The following NLGN4Y variants were observed in gnomAD, a reference collection of about 807,000 sequenced individuals.
NLGN4Y encodes the protein neuroligin 4 Y-linked, also known as neuroligin-4, Y-linked.
NLGN4Y carries 4 observed loss-of-function variants against 8.4 expected under a neutral mutation model. The observed-to-expected ratio is 0.48, with a 90% CI of 0.23 to 1.09. NLGN4Y has a LOEUF of 1.09. Ranked by LOEUF, NLGN4Y falls within the 50% of genes least tolerant of loss-of-function variation. The pLI, the probability that NLGN4Y is intolerant of heterozygous loss-of-function variation, is 0.19. For synonymous variants in NLGN4Y, 35 were observed against 75.6 expected (o/e 0.46, Z 2.78); for missense variants, 90 against 192.3 (o/e 0.47, Z 3.15).
intron 2 of NLGN4Y, among the ~76,000 whole-genome samples, chrY:14,702,019 GA>G (rs2080849885): frequency 9.7e-5 from 3 of 30,907 alleles, no homozygotes; most frequent in Non-Finnish European, 2.3e-4. Context: ...TTTACTCTTT[GA>G]ATTCATTTTT....
At chrY:14,826,295 C>T (rs772095006) in intron 5 of NLGN4Y, among the ~76,000 whole-genome samples, 6 of 31,843 alleles carry the variant, frequency 1.9e-4, no homozygotes, top group Admixed American at 2.8e-4. Context: ...GGACCATTTA[C>T]ATCTGAAGTA....
intron 4 of NLGN4Y, among the ~76,000 whole-genome samples, chrY:14,756,087 T>C (rs2081056012): frequency 3.0e-5 from 1 of 33,746 alleles, no homozygotes; most frequent in African/African-American, 1.2e-4. Flanking sequence ...TACCTTTCGA[T>C]GTTTTGTGTT....
At position 14,842,230 on chromosome Y, in the gene NLGN4Y, A is replaced by T. The variant is rs3863116; in HGVS notation, c.*968A>T. 3,525 of 120,490 alleles carry T rather than the reference A, an allele frequency of 0.029. No individual in the cohort carries two copies. The East Asian group carries it at 0.8, about 27-fold the overall frequency. 30.1% of individuals were successfully genotyped at this position (120,490 alleles called of 400,897 possible). A position where few individuals can be genotyped will look rare whatever the true frequency, so the allele number is the denominator to read the frequency against. ...GATTTGTACATGTTAGTTTTCATGA[A>T]ATTGCAACACAGAGATAGGTCCTAA... is the stretch of plus-strand genomic sequence containing the variant. On this transcript the variant is annotated 3_prime_UTR_variant, in exon 7 of 7. Transcript: ENST00000684976.
In NLGN4Y at chrY:14,829,852, A is replaced by T; in HGVS notation, c.994A>T (p.Thr332Ser). 5.0e-6 allele frequency: 2 copies of T among 398,888 alleles called. No individual in the cohort carries two copies. Among genetic ancestry groups the T allele is most frequent in the Non-Finnish European group, 7.1e-6 (2 of 283,681 alleles). Residue 332 changes from threonine to serine, a missense_variant, in exon 6 of 7, where the codon ACG becomes TCG. By Grantham distance (58) the Thr-to-Ser change is moderately conservative (BLOSUM62 1). Around this residue, in one of 4 missense-constraint regions of NLGN4Y, gnomAD observed 16 missense variants for 37.6 expected, o/e 0.43. Coordinates refer to ENST00000684976, the MANE Select transcript of NLGN4Y (RefSeq NM_001365588.1). The stretch of plus-strand genomic sequence containing the variant: ...GGTCGGCTGCAACATGCTGGACACC[A>T]CGGACATGGTAGAATGTCTGAAGAA... ...DKVGCNMLDT[T>S]DMVECLKNKN...
chrY:14,772,236 A>G (rs2081110354), intron 4 of NLGN4Y, among the ~76,000 whole-genome samples: 3 of 33,542 alleles, frequency 8.9e-5, no homozygotes, highest in African/African-American at 3.5e-4. Context: ...GGACATCACC[A>G]CTGATCCCAA....
intron 1 of NLGN4Y, among the ~76,000 whole-genome samples, chrY:14,553,557 G>T (rs772708375): frequency 4.1e-5 from 1 of 24,407 alleles, no homozygotes; most frequent in Admixed American, 4.7e-4. Flanking sequence ...CATGGTACTG[G>T]TACCAAAACT....
intron 4 of NLGN4Y, among the ~76,000 whole-genome samples, chrY:14,736,617 G>A: frequency 6.2e-5 from 2 of 32,301 alleles, no homozygotes; most frequent in African/African-American, 1.2e-4. Context: ...CTTATGTTGC[G>A]GGAGGGACCC....
intron 4 of NLGN4Y, among the ~76,000 whole-genome samples, chrY:14,739,758 C>CATTATT (rs2081001359): frequency 3.2e-5 from 1 of 31,337 alleles, no homozygotes; most frequent in Non-Finnish European, 7.7e-5. Flanking sequence ...GTCACTGTTC[C>CATTATT]ATTATTATTA....
At chrY:14,828,273 A>ATATATATATGTGTGTGTG (rs2043156265) in intron 5 of NLGN4Y, among the ~76,000 whole-genome samples, 1 of 31,109 alleles carries the variant, frequency 3.2e-5, no homozygotes, top group Non-Finnish European at 7.7e-5. Context: ...GTGTGTGTGT[A>ATATATATATGTGTGTGTG]TATATATATG....
At chrY:14,769,477 G>A in intron 4 of NLGN4Y, among the ~76,000 whole-genome samples, 1 of 32,108 alleles carries the variant, frequency 3.1e-5, no homozygotes, top group Non-Finnish European at 7.6e-5. Flanking sequence ...CCTACCCAAG[G>A]GAAGCCCTGA....
At chrY:14,790,820 C>T (rs2042983046) in intron 4 of NLGN4Y, among the ~76,000 whole-genome samples, 1 of 33,322 alleles carries the variant, frequency 3.0e-5, no homozygotes, top group Non-Finnish European at 7.4e-5. Context: ...AGTACACAAA[C>T]ACACACACAC....
intron 1 of NLGN4Y, among the ~76,000 whole-genome samples, chrY:14,560,001 G>A: frequency 3.0e-5 from 1 of 33,298 alleles, no homozygotes; most frequent in African/African-American, 1.2e-4. Context: ...ATGATATTTT[G>A]AACATATCAT....
chrY:14,776,578 AT>A (rs2081126891), intron 4 of NLGN4Y, among the ~76,000 whole-genome samples: 2 of 31,610 alleles, frequency 6.3e-5, no homozygotes, highest in African/African-American at 2.4e-4. Context: ...AGTTACTTGC[AT>A]TTTTCCTGAA....
intron 2 of NLGN4Y, among the ~76,000 whole-genome samples, chrY:14,684,832 C>A: frequency 3.0e-5 from 1 of 33,684 alleles, no homozygotes; most frequent in South Asian, 6.6e-4. Context: ...CAAATGTAGT[C>A]ATGTTTCTTT....
intron 1 of NLGN4Y, among the ~76,000 whole-genome samples, chrY:14,532,446 C>G (rs746221191): frequency 8.2e-3 from 275 of 33,533 alleles, no homozygotes; most frequent in African/African-American, 0.029. Flanking sequence ...TCCTTTTGTG[C>G]AAAACAGCTT....
chrY:14,812,194 C>G, intron 4 of NLGN4Y, among the ~76,000 whole-genome samples: 1 of 33,063 alleles, frequency 3.0e-5, no homozygotes, highest in Non-Finnish European at 7.5e-5. Flanking sequence ...AATTCACGCC[C>G]AAGATTAAGT....
intron 2 of NLGN4Y, among the ~76,000 whole-genome samples, chrY:14,659,756 G>C: frequency 3.0e-5 from 1 of 32,953 alleles, no homozygotes; most frequent in African/African-American, 1.2e-4. Flanking sequence ...GCAATTGGAA[G>C]GGTCTCCAAA....
rs2043230721 is a variant in NLGN4Y at position 14,842,861 on chromosome Y, C to G, written c.*1599C>G. 8.3e-6 allele frequency: 1 copy of G among 119,875 alleles called. No individual in the cohort carries two copies. Among genetic ancestry groups the G allele is most frequent in the African/African-American group, 9.6e-5 (1 of 10,428 alleles). The allele number at this position is 119,875 out of a possible 400,897, so 29.9% of individuals were successfully genotyped here. A position where few individuals can be genotyped will look rare whatever the true frequency, so the allele number is the denominator to read the frequency against. On this transcript the variant is annotated 3_prime_UTR_variant, in exon 7 of 7. Coordinates refer to ENST00000684976, the MANE Select transcript of NLGN4Y (RefSeq NM_001365588.1). The stretch of plus-strand genomic sequence containing the variant: ...CCAACAGCTTGTGGTTTTCTTATTA[C>G]TCATTTTCAGGAAAGTTTGTAGTAT...
intron 1 of NLGN4Y, among the ~76,000 whole-genome samples, chrY:14,582,782 A>G: frequency 2.9e-5 from 1 of 34,257 alleles, no homozygotes; most frequent in Non-Finnish European, 7.3e-5. Flanking sequence ...CCACAAATTC[A>G]GTATGTTTTT....
Sources: gnomAD v4.1 joint callset for allele counts (sites outside exome capture counted in the v4.1 genomes callset) on GRCh38, gnomAD v4.1.1 for gene constraint, gnomAD v4.1.1 regional missense constraint, MANE v1.5 for transcripts, NCBI Gene and HGNC (gene_info 2026-07-23, HGNC 2026-07-21) for gene names.